Variants in CDH12 observed in about 807,000 individuals in gnomAD.
The protein encoded by CDH12 is cadherin 12.
Under a neutral mutation model 74.1 loss-of-function variants are expected in CDH12, and 41 were observed. The observed-to-expected ratio is 0.55, with a 90% CI of 0.43 to 0.72. The LOEUF (loss-of-function observed/expected upper bound fraction) is 0.72. Ranked by LOEUF, CDH12 falls within the 30% of genes least tolerant of loss-of-function variation. CDH12 has a pLI of 0.00. For missense variants in CDH12, 945 were observed against 977.2 expected, an observed-to-expected ratio of 0.97 and a Z score of 0.44; for synonymous variants, 399 against 355.0, an observed-to-expected ratio of 1.12 and a Z score of -1.39.
At chr5:22,016,469 C>A (rs2150157125) in intron 5 of CDH12, among the ~76,000 whole-genome samples, 1 of 152,030 alleles carries the variant, frequency 6.6e-6, no homozygotes. Flanking sequence ...AATCTCGACT[C>A]ACTTCAACCT....
chr5:22,397,772 C>G (rs951221335), intron 3 of CDH12, among the ~76,000 whole-genome samples: 1 of 151,896 alleles, frequency 6.6e-6, no homozygotes, highest in African/African-American at 2.4e-5. Flanking sequence ...GACATATGGT[C>G]CTTAAAGGAG....
intron 3 of CDH12, among the ~76,000 whole-genome samples, chr5:22,237,670 A>T (rs773995459): frequency 7.2e-5 from 11 of 151,880 alleles, no homozygotes; most frequent in Non-Finnish European, 1.3e-4. Flanking sequence ...TAGCATCTTG[A>T]GCTGACTAAG....
intron 3 of CDH12, among the ~76,000 whole-genome samples, chr5:22,393,731 C>G (rs756087509): frequency 1.3e-5 from 2 of 151,976 alleles, no homozygotes; most frequent in Non-Finnish European, 2.9e-5. Flanking sequence ...GTCTCTAATG[C>G]CTTGGAGAAT....
intron 6 of CDH12, among the ~76,000 whole-genome samples, chr5:21,880,658 TCTTTCTTTCTTTC>T (rs1300308078): frequency 2.2e-5 from 3 of 138,208 alleles, no homozygotes; most frequent in Non-Finnish European, 3.1e-5. Context: ...TTTCTTTCTT[TCTTTCTTTCTTTC>T]TTTCTTTCTT....
rs930019271 is a variant in CDH12 at position 22,251,467 on chromosome 5, A to T, written c.-332-38824T>A. On this transcript the variant is annotated intron_variant, in intron 3 of 14. Transcript: ENST00000382254. ...TTGAGAAATAAAGTGGACACACAGG[A>T]AATTTTTCTTATCTCTTATCTCTTG... 2.6e-5 allele frequency among the ~76,000 whole-genome samples: 4 copies of T among 152,212 alleles called. 1 individual carries two copies. The highest frequency in any genetic ancestry group is 4.4e-5 in the Non-Finnish European group (3 of 68,042).
chr5:22,581,207 A>T (rs1740084013), intron 1 of CDH12, among the ~76,000 whole-genome samples: 1 of 152,210 alleles, frequency 6.6e-6, no homozygotes, highest in Non-Finnish European at 1.5e-5. Context: ...ACAGGCCTGA[A>T]GGCCTAGGAG....
At chr5:22,632,113 G>A (rs1407749647) in intron 1 of CDH12, among the ~76,000 whole-genome samples, 1 of 152,062 alleles carries the variant, frequency 6.6e-6, no homozygotes, top group Non-Finnish European at 1.5e-5. Context: ...TGTTGGGAGT[G>A]TGCTTATTAC....
intron 4 of CDH12, among the ~76,000 whole-genome samples, chr5:22,135,293 G>A (rs1273405610): frequency 6.6e-6 from 1 of 150,434 alleles, no homozygotes; most frequent in East Asian, 1.9e-4. Context: ...TTTTTCAAAT[G>A]ATATGGTACT....
chr5:22,283,203 GAGATATATATATAGAT>G (rs1182557798), intron 3 of CDH12, among the ~76,000 whole-genome samples: 1 of 76,636 alleles, frequency 1.3e-5, no homozygotes, highest in Non-Finnish European at 2.6e-5. Flanking sequence ...GAACATCTGT[GAGATATATATATAGAT>G]ATATATATAT....
intron 1 of CDH12, among the ~76,000 whole-genome samples, chr5:22,548,840 C>T (rs543694599): frequency 9.0e-4 from 137 of 152,268 alleles, no homozygotes; most frequent in Non-Finnish European, 1.7e-3. Flanking sequence ...ATTGCCATCC[C>T]TCCATTCTTG....
chr5:22,206,522 G>T (rs533139353), intron 4 of CDH12, among the ~76,000 whole-genome samples: 10 of 151,688 alleles, frequency 6.6e-5, no homozygotes, highest in Admixed American at 5.3e-4. Flanking sequence ...CCAAAGTTTT[G>T]ACCTACTAAA....
At chr5:21,769,000 C>T (rs188012173) in intron 11 of CDH12, among the ~76,000 whole-genome samples, 2 of 151,958 alleles carry the variant, frequency 1.3e-5, no homozygotes, top group Admixed American at 6.5e-5. Context: ...CATATTAATA[C>T]AAGGAAGAAC....
At position 22,800,321 on chromosome 5, in the gene CDH12, C is replaced by G. The variant is rs1164179368; in HGVS notation, c.-523+52737G>C. 3.3e-5 allele frequency among the ~76,000 whole-genome samples: 5 copies of G among 152,202 alleles called. No homozygotes were observed. In the South Asian group the frequency reaches 1.0e-3, roughly 32 times the overall value. On this transcript the variant is annotated intron_variant, in intron 1 of 14. Coordinates refer to ENST00000382254, the MANE Select transcript of CDH12 (RefSeq NM_004061.5). ...CTTGGTTAAAGGAGTTTTTTTCTTACTGCTTATAACTAGAATCAGTTGAAG... is the reference window on the plus strand; with the variant it reads ...CTTGGTTAAAGGAGTTTTTTTCTTAGTGCTTATAACTAGAATCAGTTGAAG...
intron 5 of CDH12, among the ~76,000 whole-genome samples, chr5:22,076,417 T>C (rs1742319684): frequency 6.6e-6 from 1 of 152,142 alleles, no homozygotes; most frequent in Non-Finnish European, 1.5e-5. Flanking sequence ...TAATTTCAAC[T>C]TTATTACCTC....
chr5:22,046,426 A>ATTTTTTTTTTTTTTTT (rs1739955012), intron 5 of CDH12, among the ~76,000 whole-genome samples: 1 of 127,460 alleles, frequency 7.8e-6, no homozygotes, highest in African/African-American at 3.8e-5. Context: ...TGGTCATTTA[A>ATTTTTTTTTTTTTTTT]TTTCTTTTTT....
chr5:21,778,085 A>G (rs975895305), intron 11 of CDH12, among the ~76,000 whole-genome samples: 8 of 152,126 alleles, frequency 5.3e-5, no homozygotes, highest in African/African-American at 9.7e-5. Context: ...ACATCTCCCA[A>G]TCACAACCCC....
At chr5:22,169,249 G>A (rs1329112480) in intron 4 of CDH12, among the ~76,000 whole-genome samples, 1 of 151,308 alleles carries the variant, frequency 6.6e-6, no homozygotes, top group Non-Finnish European at 1.5e-5. Context: ...TGCATATAAA[G>A]AGATACAGAA....
chr5:21,991,455 GCAAAATAAATA>G (rs902592976), intron 5 of CDH12, among the ~76,000 whole-genome samples: 3 of 96,824 alleles, frequency 3.1e-5, no homozygotes, highest in Admixed American at 1.2e-4. Context: ...CACAATTTTT[GCAAAATAAATA>G]CAAAATAAAT....
chr5:22,051,929 A>G (rs1195315301), intron 5 of CDH12, among the ~76,000 whole-genome samples: 1 of 152,180 alleles, frequency 6.6e-6, no homozygotes, highest in Non-Finnish European at 1.5e-5. Flanking sequence ...TTTAAAAACT[A>G]TTACTTGCAG....
Sources: gnomAD v4.1 joint callset for allele counts (sites outside exome capture counted in the v4.1 genomes callset) on GRCh38, gnomAD v4.1.1 for gene constraint, MANE v1.5 for transcripts, NCBI Gene and HGNC (gene_info 2026-07-23, HGNC 2026-07-21) for gene names.